HTATIP2: variants seen among roughly 807,000 people sequenced by gnomAD.
HTATIP2 encodes HIV-1 Tat interactive protein 2, also known as protein HTATIP2.
Under a neutral mutation model 24.7 loss-of-function variants are expected in HTATIP2, and 26 were observed. That is an observed-to-expected ratio of 1.05 (90% CI 0.77 to 1.46). The LOEUF (loss-of-function observed/expected upper bound fraction) is 1.46. Ranked by LOEUF, HTATIP2 falls within the 40% of genes most tolerant of loss-of-function variation. The pLI is 0.00. For missense variants in HTATIP2, 284 were observed against 289.6 expected (o/e 0.98, Z 0.14); for synonymous variants, 99 against 113.2 (o/e 0.87, Z 0.79).
At chr11:20,378,044 T>A (rs910826426) in intron 3 of HTATIP2, among the ~76,000 whole-genome samples, 1 of 151,964 alleles carries the variant, frequency 6.6e-6, no homozygotes, top group African/African-American at 2.4e-5. Context: ...GAACACTATG[T>A]TTTTTTAAAA....
chr11:20,368,128 ATAAAT>A (rs2064732669), intron 2 of HTATIP2, among the ~76,000 whole-genome samples: 5 of 151,494 alleles, frequency 3.3e-5, no homozygotes, highest in African/African-American at 1.2e-4. Context: ...AAAAAAGTAA[ATAAAT>A]AAATAAAGCC....
In HTATIP2 at chr11:20,364,381, G is replaced by C. The variant is rs145143466; in HGVS notation, c.144G>C (p.Thr48=). Residue 48 remains threonine (T), a synonymous_variant, in exon 1 of 5, where the codon ACG becomes ACC. Transcript: ENST00000451739. ...AGCAGGGCCTGTTTTCCAAAGTCAC[G>C]CTCATTGGCCGGAGGAAGCTCACCT... ...ILEQGLFSKV[T]LIGRRKLTFD... is the part of the protein sequence containing the mutation. 2 of 1,612,012 alleles carry C rather than the reference G, an allele frequency of 1.2e-6. No individual in the cohort carries two copies. Among genetic ancestry groups the C allele is most frequent in the Non-Finnish European group, 1.7e-6 (2 of 1,178,552 alleles).
intron 3 of HTATIP2, among the ~76,000 whole-genome samples, chr11:20,378,096 A>T (rs539305470): frequency 1.1e-3 from 165 of 152,228 alleles, no homozygotes; most frequent in Admixed American, 5.8e-3. Context: ...AAACATCCTT[A>T]TTATGTTGTT....
In HTATIP2 at chr11:20,366,268, A is replaced by AT. The variant is rs1026536158; in HGVS notation, c.196-896dup. On this transcript the variant is annotated intron_variant, in intron 1 of 4. Coordinates refer to ENST00000451739, the MANE Select transcript of HTATIP2 (RefSeq NM_001098522.2). ...AGGTGCCTACCACCACAACCGGCTA[A>AT]TTTTTTTTTTGCATTTTTAGTAGAG... Among the ~76,000 whole-genome samples the AT allele has an allele frequency of 1.9e-4, 28 of 146,982 alleles. No individual in the cohort carries two copies. The East Asian group carries it at 2.0e-3, about 11-fold the overall frequency.
In HTATIP2 at chr11:20,383,258, G is replaced by A. The variant is rs1056454313; in HGVS notation, c.*53G>A. The A allele has an allele frequency of 3.0e-6, 4 of 1,340,054 alleles. No individual in the cohort carries two copies. Among genetic ancestry groups the A allele is most frequent in the East Asian group, 2.4e-5 (1 of 42,306 alleles). The allele number at this position is 1,340,054 out of a possible 1,614,324, so 83.0% of individuals were successfully genotyped here. ...CAACCTTAACACCCATCACCAAATC[G>A]GTAATTTCAGGGTCTAAAAAAAGTC... On this transcript the variant is annotated 3_prime_UTR_variant, in exon 5 of 5. Coordinates refer to ENST00000451739, the MANE Select transcript of HTATIP2 (RefSeq NM_001098522.2).
intron 2 of HTATIP2, chr11:20,367,645 GA>G: frequency 2.4e-6 from 3 of 1,226,596 alleles, no homozygotes; most frequent in Non-Finnish European, 3.1e-6. Context: ...ATAAATGTTT[GA>G]AATTTGAAAT....
chr11:20,377,210 G>C (rs1173971283), intron 3 of HTATIP2, among the ~76,000 whole-genome samples: 1 of 150,148 alleles, frequency 6.7e-6, no homozygotes, highest in Non-Finnish European at 1.5e-5. Flanking sequence ...GCCCCGCCAA[G>C]TAACTGGGAC....
chr11:20,367,864 A>T (rs1565181644), intron 2 of HTATIP2, among the ~76,000 whole-genome samples: 1 of 152,212 alleles, frequency 6.6e-6, no homozygotes. Flanking sequence ...ATGGTGTTCT[A>T]AATTGAGTCA....
At position 20,364,393 on chromosome 11, in the gene HTATIP2, G is replaced by A. The variant is rs752464428; in HGVS notation, c.156G>A (p.Arg52=). 1.9e-6 allele frequency: 3 copies of A among 1,610,724 alleles called. No individual in the cohort carries two copies. The East Asian group carries it at 6.7e-5, about 36-fold the overall frequency. Residue 52 remains arginine (R), a synonymous_variant, in exon 1 of 5, where the codon CGG becomes CGA. Coordinates refer to ENST00000451739, the MANE Select transcript of HTATIP2 (RefSeq NM_001098522.2). ...TTTCCAAAGTCACGCTCATTGGCCG[G>A]AGGAAGCTCACCTTCGACGAGGAAG... ...GLFSKVTLIG[R]RKLTFDEEAY... is the part of the protein sequence containing the mutation.
chr11:20,364,130 GAAC>G lies in HTATIP2; in HGVS notation c.-105_-103del. The G allele has an allele frequency of 6.8e-7, 1 of 1,465,280 alleles. No individual in the cohort carries two copies. The highest frequency in any genetic ancestry group is 1.5e-5 in the South Asian group (1 of 67,372). 90.8% of individuals were successfully genotyped at this position (1,465,280 alleles called of 1,614,324 possible). On this transcript the variant is annotated 5_prime_UTR_variant, in exon 1 of 5. Transcript: ENST00000451739. ...CTTTCCCCAGAGCCCGGACTGCGGA[GAAC>G]AATATCCTCCTCCCTAACAGATAAA...
chr11:20,365,396 A>G (rs1388027590), intron 1 of HTATIP2, among the ~76,000 whole-genome samples: 5 of 152,214 alleles, frequency 3.3e-5, no homozygotes, highest in Non-Finnish European at 7.3e-5. Context: ...TCTTTATTTA[A>G]AGGGAATTAT....
intron 2 of HTATIP2, among the ~76,000 whole-genome samples, chr11:20,369,300 AACTAGTACGCTTC>A (rs1477996390): frequency 6.6e-6 from 1 of 152,210 alleles, no homozygotes; most frequent in Non-Finnish European, 1.5e-5. Context: ...CTAGTGGCAA[AACTAGTACGCTTC>A]ACTAGGGATT....
At chr11:20,371,468 G>A (rs2064771482) in intron 2 of HTATIP2, among the ~76,000 whole-genome samples, 1 of 152,130 alleles carries the variant, frequency 6.6e-6, no homozygotes, top group African/African-American at 2.4e-5. Flanking sequence ...GAGTGCAGTT[G>A]TGTGATTTCG....
intron 3 of HTATIP2, among the ~76,000 whole-genome samples, chr11:20,378,129 T>C (rs73447448): frequency 0.03 from 4,521 of 152,186 alleles, 225 homozygotes; most frequent in African/African-American, 0.1. Flanking sequence ...GCCTGTAATA[T>C]TAAAAATTTC....
At chr11:20,371,217 T>C (rs1592319395) in intron 2 of HTATIP2, among the ~76,000 whole-genome samples, 1 of 152,212 alleles carries the variant, frequency 6.6e-6, no homozygotes, top group South Asian at 2.1e-4. Context: ...TGTTGTTTAT[T>C]TGATGTCTAG....
intron 2 of HTATIP2, among the ~76,000 whole-genome samples, chr11:20,372,528 T>G (rs1592319817): frequency 1.3e-5 from 2 of 152,182 alleles, no homozygotes; most frequent in Admixed American, 6.5e-5. Context: ...GAAAGGACTT[T>G]ATAGTGGGAA....
chr11:20,367,489 C>T, intron 2 of HTATIP2: 1 of 1,454,386 alleles, frequency 6.9e-7, no homozygotes. Flanking sequence ...GAGTTCAGGC[C>T]CCAGTGCTGG....
At chr11:20,376,046 C>T (rs2055250) in intron 2 of HTATIP2, 150,094 of 152,980 alleles carry the variant, frequency 0.98, 73,719 homozygotes, top group East Asian at 1. Context: ...ACACTTTTGA[C>T]TAGAGACCCA....
intron 1 of HTATIP2, among the ~76,000 whole-genome samples, chr11:20,364,830 A>G (rs541096012): frequency 1.3e-5 from 2 of 152,160 alleles, no homozygotes; most frequent in South Asian, 2.1e-4. Context: ...CGCACTTCAC[A>G]CTAATATTGT....
Sources: allele counts gnomAD v4.1 joint callset (sites outside exome capture counted in the v4.1 genomes callset), GRCh38; gene constraint gnomAD v4.1.1; transcripts MANE v1.5; gene names NCBI Gene and HGNC (gene_info 2026-07-23, HGNC 2026-07-21).